OS9: variants seen among roughly 807,000 people sequenced by gnomAD.
OS9 encodes protein OS-9.
Under a neutral mutation model 84.7 loss-of-function variants are expected in OS9, and 58 were observed. The ratio of observed to expected loss-of-function variants is 0.68; its 90% CI spans 0.55 to 0.85. The LOEUF (loss-of-function observed/expected upper bound fraction) is 0.85, where lower values mean the gene tolerates loss of function less well. OS9 is among the 40% of genes least tolerant of loss of function. The pLI, the probability that OS9 is intolerant of heterozygous loss-of-function variation, is 0.00. For synonymous variants in OS9, 278 were observed against 320.8 expected (o/e 0.87, Z 1.43); for missense variants, 760 against 850.9 (o/e 0.89, Z 1.33).
At chr12:57,715,522 T>TA (rs1954458998) in intron 5 of OS9, among the ~76,000 whole-genome samples, 1 of 152,180 alleles carries the variant, frequency 6.6e-6, no homozygotes, top group East Asian at 1.9e-4. Flanking sequence ...TAAAGGCTGG[T>TA]CAACCTGAAC....
chr12:57,700,522 A>G (rs896297865), intron 5 of OS9, among the ~76,000 whole-genome samples: 1 of 152,212 alleles, frequency 6.6e-6, no homozygotes, highest in Non-Finnish European at 1.5e-5. Flanking sequence ...GTGATCAGGT[A>G]AAGCCCCTAC....
chr12:57,697,252 A>G (rs1953874794), intron 5 of OS9, among the ~76,000 whole-genome samples: 1 of 152,190 alleles, frequency 6.6e-6, no homozygotes, highest in Non-Finnish European at 1.5e-5. Flanking sequence ...CTGTCTTGCA[A>G]CATTCTCCAA....
chr12:57,706,830 C>T (rs1305214845), intron 5 of OS9, among the ~76,000 whole-genome samples: 1 of 112,032 alleles, frequency 8.9e-6, no homozygotes, highest in Non-Finnish European at 1.7e-5. Context: ...GCCTGGGTGA[C>T]AGAGCATGAC....
chr12:57,712,296 T>C (rs1206588034), intron 5 of OS9, among the ~76,000 whole-genome samples: 2 of 152,234 alleles, frequency 1.3e-5, no homozygotes, highest in Non-Finnish European at 2.9e-5. Context: ...CCTGTAAGTT[T>C]GGATATGTTA....
intron 9 of OS9, among the ~76,000 whole-genome samples, chr12:57,717,493 A>G (rs1307468843): frequency 6.6e-6 from 1 of 152,128 alleles, no homozygotes; most frequent in Non-Finnish European, 1.5e-5. Flanking sequence ...GTAACACACC[A>G]TGTTGAAAAA....
chr12:57,695,451 C>G (rs1406187394), intron 2 of OS9: 2 of 525,350 alleles, frequency 3.8e-6, no homozygotes, highest in African/African-American at 3.9e-5. Context: ...ATTTTGGGTT[C>G]TTCTATGTTT....
chr12:57,705,256 G>A (rs1290293456), intron 5 of OS9, among the ~76,000 whole-genome samples: 1 of 152,118 alleles, frequency 6.6e-6, no homozygotes, highest in Admixed American at 6.5e-5. Context: ...GGGGATTTTG[G>A]CTGGAATTTA....
In OS9 at chr12:57,720,457, G is replaced by A. The variant is rs1433785231; in HGVS notation, c.1817G>A (p.Gly606Asp). The change falls in exon 14 of 15, where the codon GGT becomes GAT. Residue 606 changes from glycine (G) to aspartate (D), a missense_variant. Coordinates refer to ENST00000315970, the MANE Select transcript of OS9 (RefSeq NM_006812.4). ...VRPWAEGTEE[G>D]ARWLTDEDTR... ...CCATGGGCTGAAGGGACTGAAGAGG[G>A]TGCACGTTGGCTGACTGATGAGGAC... is the stretch of plus-strand genomic sequence containing the variant. 1 of 1,614,134 alleles carries A rather than the reference G, an allele frequency of 6.2e-7. No individual in the cohort carries two copies. Among genetic ancestry groups the A allele is most frequent in the East Asian group, 2.2e-5 (1 of 44,886 alleles).
chr12:57,711,519 G>T (rs1207353813), intron 5 of OS9, among the ~76,000 whole-genome samples: 1 of 151,820 alleles, frequency 6.6e-6, no homozygotes. Context: ...GCTAATTTTT[G>T]TATTGTTAGT....
In OS9 at chr12:57,718,274, GGATGAGGATGAA is replaced by G. The variant is rs547241583; in HGVS notation, c.1276_1287del (p.Asp426_Glu429del). 729 of 1,614,120 alleles carry G rather than the reference GGATGAGGATGAA, an allele frequency of 4.5e-4. 1 individual carries two copies. The highest frequency in any genetic ancestry group is 5.5e-4 in the Non-Finnish European group (653 of 1,179,968). ...TGGAAGAAGAGGAGGATGAGGATGA[GGATGAGGATGAA>G]GATGAGGATGAACGGCAGTTACTGG... On this transcript the variant is annotated inframe_deletion, in exon 11 of 15. Transcript: ENST00000315970.
At chr12:57,717,503 A>G (rs1238695646) in intron 9 of OS9, among the ~76,000 whole-genome samples, 2 of 152,230 alleles carry the variant, frequency 1.3e-5, no homozygotes, top group East Asian at 3.9e-4. Context: ...ATGTTGAAAA[A>G]GAAAAAGAGC....
intron 5 of OS9, among the ~76,000 whole-genome samples, chr12:57,706,846 GAAAAAAAAAAAAA>G (rs11423380): frequency 2.4e-5 from 1 of 41,716 alleles, no homozygotes; most frequent in East Asian, 8.1e-4. Flanking sequence ...ATGACTCTCT[GAAAAAAAAAAAAA>G]AAAAAAAAAA....
At chr12:57,715,025 C>T (rs1156253913) in intron 5 of OS9, among the ~76,000 whole-genome samples, 1 of 152,022 alleles carries the variant, frequency 6.6e-6, no homozygotes, top group Non-Finnish European at 1.5e-5. Flanking sequence ...ACCATATGCA[C>T]ATATATAAAA....
At chr12:57,716,283 G>GA (rs1038714812) in intron 7 of OS9, 90 bp downstream of exon 7, 3 of 766,150 alleles carry the variant, frequency 3.9e-6, no homozygotes, top group Middle Eastern at 2.9e-4. Context: ...GTGGGGTGGG[G>GA]GGGGGTGGAA....
Position 57,720,929 on chromosome 12 carries a change from C to T in OS9, c.*20C>T, listed in dbSNP as rs780479690. Reference sequence around the variant, plus strand: ...TTCTGAGACCAACACTACACTTGACCCTTCACGGAATCCAGACTCTTCCTG... The same window carrying T: ...TTCTGAGACCAACACTACACTTGACTCTTCACGGAATCCAGACTCTTCCTG... On this transcript the variant is annotated 3_prime_UTR_variant, in exon 15 of 15. Coordinates refer to ENST00000315970, the MANE Select transcript of OS9 (RefSeq NM_006812.4). The T allele has an allele frequency of 6.2e-7, 1 of 1,613,848 alleles. No individual in the cohort carries two copies. The highest frequency in any genetic ancestry group is 8.5e-7 in the Non-Finnish European group (1 of 1,179,834).
In OS9 at chr12:57,715,921, CCCTT is replaced by C; in HGVS notation, c.744_747del (p.Ser249TyrfsTer24). ...CTGCACCGCAGGCCATCCTCTGTCA[CCCTT>C]CCCTACAGCCTGAGGAGTACATGGC... is the stretch of plus-strand genomic sequence containing the variant. On this transcript the variant is annotated frameshift_variant, in exon 6 of 15. Transcript: ENST00000315970. LOFTEE classifies it high-confidence loss of function. 1 of 1,613,434 alleles carries C rather than the reference CCCTT, an allele frequency of 6.2e-7. No homozygotes were observed. The highest frequency in any genetic ancestry group is 8.5e-7 in the Non-Finnish European group (1 of 1,179,702).
rs781445840 is a variant in OS9 at position 57,696,354 on chromosome 12, C to T, written c.560C>T (p.Pro187Leu). 1.9e-6 allele frequency: 3 copies of T among 1,593,326 alleles called. No individual in the cohort carries two copies. Among genetic ancestry groups the T allele is most frequent in the Middle Eastern group, 1.7e-4 (1 of 5,944 alleles). Residue 187 changes from proline to leucine, a missense_variant, in exon 5 of 15, where the codon CCC becomes CTC. Coordinates refer to ENST00000315970, the MANE Select transcript of OS9 (RefSeq NM_006812.4). The stretch of plus-strand genomic sequence containing the variant: ...TCCAAGTGCGACCTTAATGGGAGGC[C>T]CCGGGAGGCCGAGGTTCGGGTGAGT... ...NGSKCDLNGRPREAEVRFLCD... is the reference protein window; with the variant it reads ...NGSKCDLNGRLREAEVRFLCD...
At chr12:57,697,262 A>G (rs1331355308) in intron 5 of OS9, among the ~76,000 whole-genome samples, 1 of 152,124 alleles carries the variant, frequency 6.6e-6, no homozygotes, top group African/African-American at 2.4e-5. Flanking sequence ...ACATTCTCCA[A>G]AACTTACCAG....
rs776482581 is a variant in OS9 at position 57,720,387 on chromosome 12, G to A, written c.1766-19G>A. The stretch of plus-strand genomic sequence containing the variant: ...CTCCCAACCATCCTCTCCTCTCACT[G>A]CATACTGCTCCTTTCCAGGGAAAAT... On this transcript the variant is annotated intron_variant, in intron 13 of 14. Transcript: ENST00000315970. 1 of 1,602,926 alleles carries A rather than the reference G, an allele frequency of 6.2e-7. No homozygotes were observed.
Sources: gnomAD v4.1 joint callset for allele counts (sites outside exome capture counted in the v4.1 genomes callset) on GRCh38, gnomAD v4.1.1 for gene constraint, MANE v1.5 for transcripts, NCBI Gene and HGNC (gene_info 2026-07-23, HGNC 2026-07-21) for gene names.